The following CUX1 variants were observed in gnomAD, a reference collection of about 807,000 sequenced individuals.
CUX1 encodes cut like homeobox 1, also known as protein CASP.
CUX1 carries 31 observed loss-of-function variants against 158.8 expected under a neutral mutation model. The observed-to-expected ratio is 0.20, with a 90% CI of 0.15 to 0.26. The LOEUF is 0.26. Ranked by LOEUF, CUX1 falls within the 10% of genes least tolerant of loss-of-function variation. The pLI, the probability that CUX1 is intolerant of heterozygous loss-of-function variation, is 1.00. For synonymous variants in CUX1, 879 were observed against 862.1 expected, an observed-to-expected ratio of 1.02 and a Z score of -0.34; for missense variants, 1,589 against 2,014.6, an observed-to-expected ratio of 0.79 and a Z score of 4.04.
At chr7:102,141,789 A>ATTTTTTTTTTTTTTTTTTTT (rs71123009) in intron 8 of CUX1, among the ~76,000 whole-genome samples, 6 of 102,580 alleles carry the variant, frequency 5.8e-5, no homozygotes, top group Admixed American at 1.2e-4. Context: ...CTCTCAGCTA[A>ATTTTTTTTTTTTTTTTTTTT]TTTTTTTTTT....
At chr7:101,994,140 A>G (rs555388169) in intron 2 of CUX1, among the ~76,000 whole-genome samples, 21 of 152,106 alleles carry the variant, frequency 1.4e-4, no homozygotes, top group African/African-American at 5.1e-4. Flanking sequence ...TCATCCACAC[A>G]TTACCAAGTC....
chr7:101,954,953 C>G (rs1014689093), intron 2 of CUX1, among the ~76,000 whole-genome samples: 2 of 152,092 alleles, frequency 1.3e-5, no homozygotes, highest in African/African-American at 4.8e-5. Flanking sequence ...AGGCGATCAC[C>G]TGAGGCCAGG....
chr7:101,971,964 T>TTTTA (rs995230878), intron 2 of CUX1, among the ~76,000 whole-genome samples: 10 of 152,238 alleles, frequency 6.6e-5, no homozygotes, highest in South Asian at 2.1e-4. Flanking sequence ...ACTGATTTAT[T>TTTTA]TTTATTTATT....
intron 1 of CUX1, among the ~76,000 whole-genome samples, chr7:101,888,190 G>A (rs1226065848): frequency 2.0e-5 from 3 of 151,922 alleles, no homozygotes; most frequent in Non-Finnish European, 4.4e-5. Flanking sequence ...AAAAATCTGG[G>A]TGTGGTGGCA....
At chr7:102,132,315 G>A (rs797024759) in intron 8 of CUX1, among the ~76,000 whole-genome samples, 21 of 130 alleles carry the variant, frequency 0.16, no homozygotes, top group Non-Finnish European at 0.24. Context: ...GTGTGCGCGC[G>A]CGCGCGCGCA....
intron 1 of CUX1, among the ~76,000 whole-genome samples, chr7:101,834,717 A>G (rs973732837): frequency 1.3e-5 from 2 of 151,926 alleles, no homozygotes; most frequent in African/African-American, 4.8e-5. Context: ...TACCTTTCCA[A>G]AGTTTAAAAT....
intron 22 of CUX1, among the ~76,000 whole-genome samples, chr7:102,235,727 A>C (rs1554532472): frequency 6.7e-6 from 1 of 149,064 alleles, no homozygotes; most frequent in African/African-American, 2.5e-5. Context: ...AAGAATGGGC[A>C]TCCCAGGCCC....
chr7:102,226,346 G>A (rs1258477181), intron 20 of CUX1, among the ~76,000 whole-genome samples: 1 of 152,200 alleles, frequency 6.6e-6, no homozygotes. Context: ...TAAAATGGAA[G>A]AGCTGGGGAA....
chr7:101,961,214 T>C (rs1176251369), intron 2 of CUX1: 1 of 152,156 alleles, frequency 6.6e-6, no homozygotes, highest in Non-Finnish European at 1.5e-5. Flanking sequence ...ATTCCATCTG[T>C]GTGTCCCTGG....
chr7:102,234,995 C>T (rs552758915), intron 22 of CUX1, among the ~76,000 whole-genome samples: 7 of 152,116 alleles, frequency 4.6e-5, no homozygotes, highest in Non-Finnish European at 4.4e-5. Flanking sequence ...CCAAGGTCAC[C>T]CGGCCTGGAA....
chr7:101,832,852 C>A (rs928679639), intron 1 of CUX1, among the ~76,000 whole-genome samples: 5 of 152,044 alleles, frequency 3.3e-5, no homozygotes, highest in African/African-American at 1.2e-4. Context: ...CTGTGGCCTG[C>A]TCCGGTGCCT....
At chr7:101,989,241 C>T (rs951641330) in intron 2 of CUX1, among the ~76,000 whole-genome samples, 2 of 152,162 alleles carry the variant, frequency 1.3e-5, no homozygotes, top group African/African-American at 4.8e-5. Context: ...GCTGCAGAAC[C>T]GGAGACCTCA....
At chr7:102,164,998 G>C (rs1222502630) in intron 9 of CUX1, among the ~76,000 whole-genome samples, 1 of 152,122 alleles carries the variant, frequency 6.6e-6, no homozygotes, top group African/African-American at 2.4e-5. Flanking sequence ...CTGGCAGGGT[G>C]GGGGAAGGAG....
rs1410097971 is a variant in CUX1 at position 102,250,793 on chromosome 7, C to T, written c.*1751C>T. On this transcript the variant is annotated 3_prime_UTR_variant, in exon 24 of 24. Coordinates refer to ENST00000292535, the MANE Select transcript of CUX1 (RefSeq NM_181552.4). The stretch of plus-strand genomic sequence containing the variant: ...GCGGGTGAGAGTGTGCGTGCGTGTG[C>T]GTGTGTGCAATTTTATACGTCTGTG... 1.7e-5 allele frequency: 17 copies of T among 985,020 alleles called. No homozygotes were observed. Among genetic ancestry groups the T allele is most frequent in the East Asian group, 2.3e-4 (2 of 8,826 alleles). The allele number at this position is 985,020 out of a possible 1,614,324, so 61.0% of individuals were successfully genotyped here.
At chr7:102,014,343 C>T (rs1563131132) in intron 2 of CUX1, among the ~76,000 whole-genome samples, 1 of 152,204 alleles carries the variant, frequency 6.6e-6, no homozygotes, top group Non-Finnish European at 1.5e-5. Context: ...GAAATGTGCT[C>T]ATTTTAAAAC....
chr7:102,002,861 T>A (rs1816856231), intron 2 of CUX1, among the ~76,000 whole-genome samples: 1 of 152,154 alleles, frequency 6.6e-6, no homozygotes, highest in Non-Finnish European at 1.5e-5. Context: ...GGAAGGGGAA[T>A]CTTTGCTGCT....
chr7:101,929,514 T>C (rs941465044), intron 2 of CUX1, among the ~76,000 whole-genome samples: 1 of 152,234 alleles, frequency 6.6e-6, no homozygotes, highest in African/African-American at 2.4e-5. Flanking sequence ...AGAAAAGCAC[T>C]CTCTGCCTCT....
intron 4 of CUX1, among the ~76,000 whole-genome samples, chr7:102,077,902 T>C (rs149857683): frequency 9.1e-4 from 138 of 152,114 alleles, no homozygotes; most frequent in African/African-American, 3.3e-3. Context: ...ACAATGAGTA[T>C]GTATTTATTT....
intron 2 of CUX1, among the ~76,000 whole-genome samples, chr7:102,003,995 C>T (rs905137521): frequency 1.3e-5 from 2 of 152,106 alleles, no homozygotes; most frequent in African/African-American, 2.4e-5. Context: ...TATGTATACA[C>T]GTATAAATTT....
Sources: allele counts gnomAD v4.1 joint callset (sites outside exome capture counted in the v4.1 genomes callset), GRCh38; gene constraint gnomAD v4.1.1; transcripts MANE v1.5; gene names NCBI Gene and HGNC (gene_info 2026-07-23, HGNC 2026-07-21).